The following TMEM170B variants were observed in gnomAD, a reference collection of about 807,000 sequenced individuals.
TMEM170B encodes the protein transmembrane protein 170B.
A neutral mutation model predicts 13.0 loss-of-function variants in TMEM170B; 6 were observed. That is an observed-to-expected ratio of 0.46 (90% CI 0.25 to 0.91). The LOEUF (loss-of-function observed/expected upper bound fraction) is 0.91, where lower values mean the gene tolerates loss of function less well. Among genes scored for constraint, TMEM170B ranks in the 40% least tolerant of loss-of-function variants. TMEM170B has a pLI of 0.17. For missense variants in TMEM170B, 138 were observed against 165.2 expected, an observed-to-expected ratio of 0.84 and a Z score of 0.90; for synonymous variants, 61 against 64.9, an observed-to-expected ratio of 0.94 and a Z score of 0.29.
intron 1 of TMEM170B, among the ~76,000 whole-genome samples, chr6:11,545,565 C>T (rs1029384142): frequency 1.4e-4 from 21 of 152,064 alleles, no homozygotes; most frequent in African/African-American, 4.1e-4. Context: ...ACGTTACTCA[C>T]GTGTTTATGG....
Position 11,577,179 on chromosome 6 carries a change from A to G in TMEM170B, c.*1618A>G, listed in dbSNP as rs901363243. The G allele has an allele frequency of 2.0e-5, 3 of 152,140 alleles. No homozygotes were observed. The highest frequency in any genetic ancestry group is 6.5e-5 in the Admixed American group (1 of 15,268). 9.4% of individuals were successfully genotyped at this position (152,140 alleles called of 1,614,324 possible). On this transcript the variant is annotated 3_prime_UTR_variant, in exon 3 of 3. Transcript: ENST00000379426. Reference sequence around the variant, plus strand: ...CTATCCAGAAGCAGAGTATATCCACAACTTACCAATGAGAAGTTGGAGAGG... The same window carrying G: ...CTATCCAGAAGCAGAGTATATCCACGACTTACCAATGAGAAGTTGGAGAGG...
At chr6:11,569,705 G>A (rs1440582227) in intron 2 of TMEM170B, among the ~76,000 whole-genome samples, 1 of 152,104 alleles carries the variant, frequency 6.6e-6, no homozygotes, top group African/African-American at 2.4e-5. Flanking sequence ...TATTAGATAG[G>A]ATTCTATGTG....
At chr6:11,540,576 C>T (rs1582136197) in intron 1 of TMEM170B, among the ~76,000 whole-genome samples, 1 of 152,186 alleles carries the variant, frequency 6.6e-6, no homozygotes, top group Non-Finnish European at 1.5e-5. Flanking sequence ...TGGTTACTTC[C>T]TCCACTAAAG....
intron 2 of TMEM170B, among the ~76,000 whole-genome samples, chr6:11,571,593 GTTAT>G (rs1288341649): frequency 2.0e-5 from 3 of 151,968 alleles, no homozygotes; most frequent in African/African-American, 7.3e-5. Context: ...ATCCGCATGC[GTTAT>G]TTATTTCAAG....
chr6:11,555,651 A>G (rs1759577709), intron 1 of TMEM170B, among the ~76,000 whole-genome samples: 1 of 152,154 alleles, frequency 6.6e-6, no homozygotes. Flanking sequence ...CTCTACTGAA[A>G]TTCCCAATCT....
intron 1 of TMEM170B, among the ~76,000 whole-genome samples, chr6:11,538,784 T>G (rs1327688645): frequency 1.3e-5 from 2 of 152,372 alleles, no homozygotes; most frequent in East Asian, 3.9e-4. Flanking sequence ...TTCTTTTTCT[T>G]TCTGGCAAAT....
chr6:11,540,241 T>C (rs971100330), intron 1 of TMEM170B, among the ~76,000 whole-genome samples: 1 of 152,220 alleles, frequency 6.6e-6, no homozygotes, highest in African/African-American at 2.4e-5. Flanking sequence ...CTTCCTTTCA[T>C]GAAAGATTTC....
chr6:11,551,644 GA>G (rs1239488532), intron 1 of TMEM170B, among the ~76,000 whole-genome samples: 1 of 152,348 alleles, frequency 6.6e-6, no homozygotes, highest in Non-Finnish European at 1.5e-5. Flanking sequence ...GGTAAACACT[GA>G]TGAACAAAAG....
intron 1 of TMEM170B, among the ~76,000 whole-genome samples, chr6:11,550,512 T>C (rs1759510679): frequency 6.6e-6 from 1 of 151,640 alleles, no homozygotes; most frequent in Non-Finnish European, 1.5e-5. Context: ...CCCTGACGGA[T>C]TGTATGATTC....
intron 1 of TMEM170B, among the ~76,000 whole-genome samples, chr6:11,555,375 G>T (rs749310196): frequency 1.3e-5 from 2 of 152,038 alleles, no homozygotes; most frequent in African/African-American, 4.8e-5. Flanking sequence ...ATGTGTGTGC[G>T]TGGTTTATTT....
chr6:11,541,416 A>G (rs981188042), intron 1 of TMEM170B, among the ~76,000 whole-genome samples: 17 of 152,220 alleles, frequency 1.1e-4, no homozygotes, highest in Non-Finnish European at 7.3e-5. Context: ...TTAAACCTAA[A>G]GAACTGACAT....
intron 1 of TMEM170B, among the ~76,000 whole-genome samples, chr6:11,545,280 CTGTGTGTGTG>C (rs1210551633): frequency 2.1e-5 from 3 of 139,736 alleles, no homozygotes; most frequent in Non-Finnish European, 4.6e-5. Flanking sequence ...CTCTCTCTCT[CTGTGTGTGTG>C]TGTGTGTGTG....
rs1453969750 is a variant in TMEM170B at position 11,537,917 on chromosome 6, C to A, written c.-361C>A. Among the ~76,000 whole-genome samples the A allele has an allele frequency of 6.6e-6, 1 of 151,664 alleles. No homozygotes were observed. Among genetic ancestry groups the A allele is most frequent in the Non-Finnish European group, 1.5e-5 (1 of 67,832 alleles). Reference sequence around the variant, plus strand: ...CCTCCTGGCGTGACCTCGGCCTCCTCGCGTGTCCAGTCCCCGCGGCGCGGC... The same window carrying A: ...CCTCCTGGCGTGACCTCGGCCTCCTAGCGTGTCCAGTCCCCGCGGCGCGGC... On this transcript the variant is annotated 5_prime_UTR_variant, in exon 1 of 3. Coordinates refer to ENST00000379426, the MANE Select transcript of TMEM170B (RefSeq NM_001100829.3).
At chr6:11,559,360 G>A (rs1759630871) in intron 1 of TMEM170B, among the ~76,000 whole-genome samples, 1 of 151,716 alleles carries the variant, frequency 6.6e-6, no homozygotes. Context: ...ACCATGCCTG[G>A]CTAATTTTTT....
At chr6:11,565,213 A>C (rs1038237761) in intron 1 of TMEM170B, among the ~76,000 whole-genome samples, 1 of 152,222 alleles carries the variant, frequency 6.6e-6, no homozygotes, top group Admixed American at 6.5e-5. Context: ...TGAAATTCTT[A>C]AAGATAAAAG....
intron 1 of TMEM170B, among the ~76,000 whole-genome samples, chr6:11,560,391 C>G (rs548710769): frequency 2.1e-3 from 318 of 148,310 alleles, no homozygotes; most frequent in African/African-American, 7.3e-3. Flanking sequence ...CCAGGATGGT[C>G]TCGATCTCCT....
intron 1 of TMEM170B, among the ~76,000 whole-genome samples, chr6:11,540,951 A>C (rs528794392): frequency 6.6e-6 from 1 of 152,340 alleles, no homozygotes; most frequent in East Asian, 1.9e-4. Context: ...CATTGAAGAA[A>C]ATACTCATTA....
At chr6:11,539,689 G>T (rs1005350182) in intron 1 of TMEM170B, among the ~76,000 whole-genome samples, 1 of 152,158 alleles carries the variant, frequency 6.6e-6, no homozygotes, top group African/African-American at 2.4e-5. Context: ...TATAATTCTG[G>T]AAAACTAAAT....
Position 11,575,556 on chromosome 6 carries a change from C to T in TMEM170B, c.394C>T (p.Leu132Phe), listed in dbSNP as rs1283555173. 6.2e-7 allele frequency: 1 copy of T among 1,612,800 alleles called. No homozygotes were observed. The highest frequency in any genetic ancestry group is 1.3e-5 in the African/African-American group (1 of 74,840). Reference protein sequence around the residue: ...IISFSRILATL With the variant: ...IISFSRILATF ...CTCCTTTTCAAGGATCCTCGCTACA[C>T]TTTGAGGTTTCTGTGGGAATGTCTT... is the stretch of plus-strand genomic sequence containing the variant. Residue 132 changes from leucine (L) to phenylalanine (F), a missense_variant, in exon 3 of 3, where the codon CTT (leucine) becomes TTT (phenylalanine). Transcript: ENST00000379426. The surrounding 1 kb of genome is among the most constrained non-coding windows in gnomAD (Gnocchi z 4.1).
Sources: gnomAD v4.1 joint callset for allele counts (sites outside exome capture counted in the v4.1 genomes callset) on GRCh38, gnomAD v4.1.1 for gene constraint, Gnocchi (gnomAD v3.1) non-coding constraint, MANE v1.5 for transcripts, NCBI Gene and HGNC (gene_info 2026-07-23, HGNC 2026-07-21) for gene names.